APBA1: variants seen among roughly 807,000 people sequenced by gnomAD.
APBA1 encodes amyloid-beta A4 precursor protein-binding family A member 1.
APBA1 carries 55 observed loss-of-function variants against 86.6 expected under a neutral mutation model. That is an observed-to-expected ratio of 0.64 (90% CI 0.51 to 0.80). The LOEUF (loss-of-function observed/expected upper bound fraction) is 0.80, where lower values mean the gene tolerates loss of function less well. APBA1 is among the 30% of genes least tolerant of loss of function. The pLI is 0.00. For missense variants in APBA1, 1,090 were observed against 1,183.0 expected (o/e 0.92, Z 1.15); for synonymous variants, 511 against 493.9 (o/e 1.03, Z -0.46).
At chr9:69,489,190 G>T (rs960786638) in intron 2 of APBA1, among the ~76,000 whole-genome samples, 2 of 151,968 alleles carry the variant, frequency 1.3e-5, no homozygotes, top group African/African-American at 4.8e-5. Flanking sequence ...AAGCCAAAAG[G>T]ACAAAGCTGG....
intron 2 of APBA1, among the ~76,000 whole-genome samples, chr9:69,480,740 A>C (rs1489094354): frequency 3.9e-4 from 19 of 48,944 alleles, no homozygotes; most frequent in South Asian, 8.5e-4. Flanking sequence ...TACTGGCAAA[A>C]CGAATCCAGC....
At chr9:69,523,174 G>A (rs1171989919) in intron 1 of APBA1, among the ~76,000 whole-genome samples, 1 of 152,054 alleles carries the variant, frequency 6.6e-6, no homozygotes, top group Non-Finnish European at 1.5e-5. Flanking sequence ...GCAGAGGCTC[G>A]TGTTGATTTG....
chr9:69,475,420 C>T (rs1470198612), intron 3 of APBA1, among the ~76,000 whole-genome samples: 1 of 152,136 alleles, frequency 6.6e-6, no homozygotes, highest in Non-Finnish European at 1.5e-5. Context: ...GTGGACAGAG[C>T]AGAAGTGGAA....
At chr9:69,440,294 C>T (rs1166402957) in intron 11 of APBA1, among the ~76,000 whole-genome samples, 1 of 152,222 alleles carries the variant, frequency 6.6e-6, no homozygotes. Context: ...GGGAGAACCA[C>T]TACTCTCTTC....
Position 69,591,930 on chromosome 9 carries a change from GA to G in APBA1, c.-69-74652del, listed in dbSNP as rs533625949. On this transcript the variant is annotated intron_variant, in intron 1 of 12. Transcript: ENST00000265381. ...CTCAGCTAAGAACTTTAAAAAAGGG[GA>G]AAAAAAGTCTGTTTTCTCCCCTAAA... Among the ~76,000 whole-genome samples the G allele has an allele frequency of 2.4e-4, 37 of 152,076 alleles. No homozygotes were observed. The East Asian group carries it at 5.0e-3, about 21-fold the overall frequency.
chr9:69,443,858 GC>G (rs1413105230), intron 10 of APBA1, among the ~76,000 whole-genome samples: 2 of 152,104 alleles, frequency 1.3e-5, no homozygotes, highest in Non-Finnish European at 2.9e-5. Flanking sequence ...AATAAGGCTT[GC>G]TCCACAAAGA....
Position 69,448,065 on chromosome 9 carries a change from C to T in APBA1, c.2181+1519G>A, listed in dbSNP as rs376390142. Among the ~76,000 whole-genome samples, 24 of 152,218 alleles carry T rather than the reference C, an allele frequency of 1.6e-4. No homozygotes were observed. The South Asian group carries it at 4.8e-3, about 30-fold the overall frequency. ...CACAGCAACACCAGACCAGCCGTTCCGGGCCAGGCTCAGACCCCATCTCTC... is the reference window on the plus strand; with the variant it reads ...CACAGCAACACCAGACCAGCCGTTCTGGGCCAGGCTCAGACCCCATCTCTC... On this transcript the variant is annotated intron_variant, in intron 10 of 12. Transcript: ENST00000265381.
chr9:69,608,436 T>C (rs980554090), intron 1 of APBA1, among the ~76,000 whole-genome samples: 9 of 152,146 alleles, frequency 5.9e-5, no homozygotes, highest in African/African-American at 1.9e-4. Flanking sequence ...AGCAGACCTA[T>C]AACGAATATT....
At chr9:69,496,489 C>T (rs1259452156) in intron 2 of APBA1, among the ~76,000 whole-genome samples, 1 of 152,022 alleles carries the variant, frequency 6.6e-6, no homozygotes, top group Non-Finnish European at 1.5e-5. Context: ...GCTCTGCAGG[C>T]CAAAGTGGGA....
intron 1 of APBA1, among the ~76,000 whole-genome samples, chr9:69,605,177 C>T (rs1018411023): frequency 6.6e-6 from 1 of 152,012 alleles, no homozygotes; most frequent in African/African-American, 2.4e-5. Context: ...TGCCAAACAG[C>T]TCATATTTAT....
chr9:69,651,372 A>G (rs913225926), intron 1 of APBA1, among the ~76,000 whole-genome samples: 1 of 152,226 alleles, frequency 6.6e-6, no homozygotes, highest in Non-Finnish European at 1.5e-5. Flanking sequence ...AAATTCATCA[A>G]GCTGTACACT....
intron 5 of APBA1, among the ~76,000 whole-genome samples, chr9:69,467,536 G>A (rs1323500363): frequency 2.6e-5 from 4 of 152,134 alleles, no homozygotes; most frequent in Admixed American, 1.3e-4. Flanking sequence ...TACTCAAAAC[G>A]GCATCCTTCC....
At chr9:69,455,976 C>T (rs1835089042) in intron 8 of APBA1, among the ~76,000 whole-genome samples, 2 of 151,768 alleles carry the variant, frequency 1.3e-5, no homozygotes, top group South Asian at 2.1e-4. Flanking sequence ...CCTCCATCCC[C>T]TGACCCTGTT....
At chr9:69,475,896 G>C in intron 3 of APBA1, 152 bp downstream of exon 3, 1 of 661,526 alleles carries the variant, frequency 1.5e-6, no homozygotes, top group South Asian at 1.8e-5. Flanking sequence ...GCTTTAACAG[G>C]TGAACTGCAC....
chr9:69,505,899 G>A (rs1231484849), intron 2 of APBA1, among the ~76,000 whole-genome samples: 1 of 151,900 alleles, frequency 6.6e-6, no homozygotes, highest in Non-Finnish European at 1.5e-5. Flanking sequence ...TGCACCTGTA[G>A]TCCCAGCTAC....
chr9:69,565,447 C>T (rs866655940), intron 1 of APBA1, among the ~76,000 whole-genome samples: 4 of 152,108 alleles, frequency 2.6e-5, no homozygotes, highest in South Asian at 2.1e-4. Flanking sequence ...TAATCATCTA[C>T]GCACCAGTGC....
At chr9:69,638,583 C>A (rs1823225200) in intron 1 of APBA1, among the ~76,000 whole-genome samples, 1 of 152,130 alleles carries the variant, frequency 6.6e-6, no homozygotes, top group Non-Finnish European at 1.5e-5. Flanking sequence ...ACCCTCTCTT[C>A]ATTTATGTGT....
intron 8 of APBA1, among the ~76,000 whole-genome samples, chr9:69,455,849 GC>G (rs578226371): frequency 1.2e-4 from 19 of 152,226 alleles, no homozygotes; most frequent in Admixed American, 3.9e-4. Flanking sequence ...GCTAGCCCCT[GC>G]CTCAGGGCCT....
chr9:69,671,210 T>C (rs1171165423), intron 1 of APBA1, among the ~76,000 whole-genome samples: 1 of 152,090 alleles, frequency 6.6e-6, no homozygotes, highest in Non-Finnish European at 1.5e-5. Flanking sequence ...AACATCCTTC[T>C]CCTTCTGGTC....
Sources: gnomAD v4.1 joint callset for allele counts (sites outside exome capture counted in the v4.1 genomes callset) on GRCh38, gnomAD v4.1.1 for gene constraint, MANE v1.5 for transcripts, NCBI Gene and HGNC (gene_info 2026-07-23, HGNC 2026-07-21) for gene names.